PRSS12: variants seen among roughly 807,000 people sequenced by gnomAD.
The protein encoded by PRSS12 is neurotrypsin.
Under a neutral mutation model 104.4 loss-of-function variants are expected in PRSS12, and 85 were observed. The ratio of observed to expected loss-of-function variants is 0.81; its 90% CI spans 0.68 to 0.98. The LOEUF is 0.98. Ranked by LOEUF, PRSS12 falls within the 50% of genes least tolerant of loss-of-function variation. The pLI, the probability that PRSS12 is intolerant of heterozygous loss-of-function variation, is 0.00. For missense variants in PRSS12, 1,141 were observed against 1,139.2 expected (o/e 1.00, Z -0.02); for synonymous variants, 454 against 425.2 (o/e 1.07, Z -0.83).
intron 1 of PRSS12, among the ~76,000 whole-genome samples, chr4:118,344,116 G>C (rs1179769971): frequency 6.6e-6 from 1 of 152,042 alleles, no homozygotes; most frequent in Non-Finnish European, 1.5e-5. Context: ...TACACTTAAA[G>C]CTGTGAGTGA....
chr4:118,302,944 T>C (rs1743437631), intron 8 of PRSS12, among the ~76,000 whole-genome samples: 1 of 152,172 alleles, frequency 6.6e-6, no homozygotes, highest in Non-Finnish European at 1.5e-5. Flanking sequence ...CAAATCGGCA[T>C]AATTTGAAGA....
At chr4:118,325,308 T>C (rs1436423080) in intron 4 of PRSS12, among the ~76,000 whole-genome samples, 1 of 148,678 alleles carries the variant, frequency 6.7e-6, no homozygotes, top group African/African-American at 2.5e-5. Context: ...AATATACCCA[T>C]GAAAAGCTGA....
At chr4:118,312,786 A>G (rs931250219) in intron 7 of PRSS12, among the ~76,000 whole-genome samples, 1 of 152,170 alleles carries the variant, frequency 6.6e-6, no homozygotes, top group Non-Finnish European at 1.5e-5. Context: ...GGACTAGAGA[A>G]GAAATGAACC....
intron 8 of PRSS12, among the ~76,000 whole-genome samples, chr4:118,299,712 T>TAAAATA (rs1182586335): frequency 7.4e-4 from 47 of 63,808 alleles, no homozygotes; most frequent in East Asian, 1.8e-3. Flanking sequence ...ATAAATAAAA[T>TAAAATA]AAATAAAATA....
Position 118,282,174 on chromosome 4 carries a change from C to G in PRSS12, c.2390G>C (p.Arg797Pro). Residue 797 changes from arginine to proline, a missense_variant, in exon 13 of 13, where the codon CGT (arginine) becomes CCT (proline). Transcript: ENST00000296498. Reference sequence around the variant, plus strand: ...TCTCCCTGTAAACCGACCCTTATAACGTTCTTCACAAAACCTTTTAGGAAG... The same window carrying G: ...TCTCCCTGTAAACCGACCCTTATAAGGTTCTTCACAAAACCTTTTAGGAAG... ...PLLPKRFCEERYKGRFTGRML... is the reference protein window; with the variant it reads ...PLLPKRFCEEPYKGRFTGRML... 1 of 1,614,222 alleles carries G rather than the reference C, an allele frequency of 6.2e-7. No individual in the cohort carries two copies. The highest frequency in any genetic ancestry group is 1.1e-5 in the South Asian group (1 of 91,090).
chr4:118,323,995 G>C lies in PRSS12; in HGVS notation c.972-5439C>G, dbSNP rs1412771405. 2.0e-5 allele frequency among the ~76,000 whole-genome samples: 3 copies of C among 151,954 alleles called. No individual in the cohort carries two copies. The East Asian group carries it at 5.8e-4, about 29-fold the overall frequency. On this transcript the variant is annotated intron_variant, in intron 4 of 12. Coordinates refer to ENST00000296498, the MANE Select transcript of PRSS12 (RefSeq NM_003619.4). ...GGTCACTGCAAACTCTGCCTCCCAG[G>C]CTCAAGCCATCCTCCCACCTCAGCC...
chr4:118,347,266 T>A (rs1218422340), intron 1 of PRSS12, among the ~76,000 whole-genome samples: 1 of 152,218 alleles, frequency 6.6e-6, no homozygotes, highest in African/African-American at 2.4e-5. Flanking sequence ...ATGTAGCCCT[T>A]AAAAGTGGCG....
chr4:118,313,262 G>A lies in PRSS12; in HGVS notation c.1428C>T (p.Ser476=). The change falls in exon 7 of 13, where the codon AGC becomes AGT. Residue 476 remains serine (S), a synonymous_variant. Coordinates refer to ENST00000296498, the MANE Select transcript of PRSS12 (RefSeq NM_003619.4). ...SRRQWGRHDC[S]HREDVSIACY... ...AGGCAATGCTAACATCTTCGCGGTG[G>A]CTGCAGTCATGCCTTCCCCACTGTC... 2 of 1,614,084 alleles carry A rather than the reference G, an allele frequency of 1.2e-6. No homozygotes were observed. The highest frequency in any genetic ancestry group is 4.5e-5 in the East Asian group (2 of 44,862).
At position 118,316,304 on chromosome 4, in the gene PRSS12, T is replaced by C; in HGVS notation, c.1170A>G (p.Ala390=). 6.2e-7 allele frequency: 1 copy of C among 1,613,992 alleles called. No homozygotes were observed. Among genetic ancestry groups the C allele is most frequent in the East Asian group, 2.2e-5 (1 of 44,862 alleles). ...TPLTDGVIRL[A]GGKGSHEGRL... ...GACCCTCATGGCTGCCTTTCCCACC[T>C]GCAAGTCTGATGACCCCATCTGTGA... Residue 390 remains alanine (A), a synonymous_variant, in exon 6 of 13, where the codon GCA becomes GCG. Coordinates refer to ENST00000296498, the MANE Select transcript of PRSS12 (RefSeq NM_003619.4).
At chr4:118,323,817 A>G (rs899086082) in intron 4 of PRSS12, among the ~76,000 whole-genome samples, 1 of 151,906 alleles carries the variant, frequency 6.6e-6, no homozygotes, top group Non-Finnish European at 1.5e-5. Context: ...TTATATATAT[A>G]TATACACACA....
At chr4:118,309,108 A>G (rs1037674112) in intron 7 of PRSS12, among the ~76,000 whole-genome samples, 12 of 152,152 alleles carry the variant, frequency 7.9e-5, no homozygotes, top group South Asian at 4.1e-4. Flanking sequence ...AAAAGAAAAA[A>G]AAAAGCAGTA....
intron 8 of PRSS12, 74 bp from the exon 9 acceptor site, chr4:118,299,012 A>G: frequency 6.7e-7 from 1 of 1,488,878 alleles, no homozygotes; most frequent in Non-Finnish European, 9.3e-7. Context: ...ACATGTATTC[A>G]ATTTTATTCC....
chr4:118,313,068 G>T, intron 7 of PRSS12, 133 bp downstream of exon 7: 1 of 986,018 alleles, frequency 1.0e-6, no homozygotes, highest in Non-Finnish European at 1.5e-6. Flanking sequence ...AAAAATTACT[G>T]AAAATTAGAC....
rs1560774315 is a variant in PRSS12 at position 118,313,274 on chromosome 4, C to G, written c.1416G>C (p.Arg472Ser). 1.2e-6 allele frequency: 2 copies of G among 1,614,082 alleles called. No individual in the cohort carries two copies. Among genetic ancestry groups the G allele is most frequent in the Non-Finnish European group, 1.7e-6 (2 of 1,180,006 alleles). ...CATCTTCGCGGTGGCTGCAGTCATG[C>G]CTTCCCCACTGTCGCCTGGAACACT... ...FLQCSRRQWG[R>S]HDCSHREDVS... The change falls in exon 7 of 13, where the codon AGG becomes AGC. Residue 472 changes from arginine (R) to serine (S), a missense_variant. By Grantham distance (110) the Arg-to-Ser change is moderately radical. Transcript: ENST00000296498.
chr4:118,352,397 C>T lies in PRSS12; in HGVS notation c.324G>A (p.Pro108=). The T allele has an allele frequency of 6.5e-7, 1 of 1,542,428 alleles. No homozygotes were observed. Among genetic ancestry groups the T allele is most frequent in the Non-Finnish European group, 8.7e-7 (1 of 1,149,082 alleles). The part of the protein sequence containing the change: ...PWVSVTDFGA[P]CLRWAEVPPF... ...GTGGCACCTCCGCCCACCGCAGACACGGGGCGCCGAAGTCCGTCACGCTGA... is the reference window on the plus strand; with the variant it reads ...GTGGCACCTCCGCCCACCGCAGACATGGGGCGCCGAAGTCCGTCACGCTGA... Residue 108 remains proline (P), a synonymous_variant, in exon 1 of 13, where the codon CCG becomes CCA. Coordinates refer to ENST00000296498, the MANE Select transcript of PRSS12 (RefSeq NM_003619.4).
At chr4:118,289,030 T>C (rs1467618095) in intron 11 of PRSS12, among the ~76,000 whole-genome samples, 1 of 152,158 alleles carries the variant, frequency 6.6e-6, no homozygotes, top group Non-Finnish European at 1.5e-5. Flanking sequence ...TTGCCAGCCT[T>C]CACATAAAGC....
intron 11 of PRSS12, among the ~76,000 whole-genome samples, chr4:118,286,650 G>T (rs1401276797): frequency 2.6e-5 from 4 of 152,124 alleles, no homozygotes; most frequent in African/African-American, 4.8e-5. Flanking sequence ...TATAATGAAT[G>T]AGTTATTTTG....
intron 11 of PRSS12, among the ~76,000 whole-genome samples, chr4:118,286,954 C>G (rs1324147621): frequency 2.0e-5 from 3 of 152,122 alleles, no homozygotes; most frequent in Non-Finnish European, 4.4e-5. Flanking sequence ...CATACATGTT[C>G]CATACATACA....
At chr4:118,320,172 C>A (rs1188593803) in intron 4 of PRSS12, among the ~76,000 whole-genome samples, 1 of 152,050 alleles carries the variant, frequency 6.6e-6, no homozygotes, top group African/African-American at 2.4e-5. Context: ...TAGACTATAG[C>A]ATTTATATTT....
Sources: gnomAD v4.1 joint callset for allele counts (sites outside exome capture counted in the v4.1 genomes callset) on GRCh38, gnomAD v4.1.1 for gene constraint, MANE v1.5 for transcripts, NCBI Gene and HGNC (gene_info 2026-07-23, HGNC 2026-07-21) for gene names.